FANCA: variants seen among roughly 807,000 people sequenced by gnomAD.
The protein encoded by FANCA is FA complementation group A.
Under a neutral mutation model 194.3 loss-of-function variants are expected in FANCA, and 236 were observed. The observed-to-expected ratio is 1.21, with a 90% CI of 1.09 to 1.35. The LOEUF (loss-of-function observed/expected upper bound fraction) is 1.35, where lower values mean the gene tolerates loss of function less well. Among genes scored for constraint, FANCA ranks in the 40% most tolerant of loss-of-function variants. The pLI is 0.00. For missense variants in FANCA, 2,628 were observed against 1,813.9 expected (o/e 1.45, Z -8.15); for synonymous variants, 1,014 against 715.8 (o/e 1.42, Z -6.65).
intron 11 of FANCA, among the ~76,000 whole-genome samples, chr16:89,793,988 G>A (rs1426661273): frequency 6.6e-6 from 1 of 152,120 alleles, no homozygotes; most frequent in Non-Finnish European, 1.5e-5. Flanking sequence ...CTGACCTCGT[G>A]ACCTGCCCGT....
intron 27 of FANCA, among the ~76,000 whole-genome samples, chr16:89,765,787 C>G (rs186907979): frequency 1.3e-5 from 2 of 152,236 alleles, no homozygotes; most frequent in Admixed American, 6.5e-5. Context: ...CTGCCCTCTC[C>G]TAAGCTCAAA....
At chr16:89,776,820 G>A (rs1207262034) in intron 20 of FANCA, among the ~76,000 whole-genome samples, 1 of 151,912 alleles carries the variant, frequency 6.6e-6, no homozygotes, top group African/African-American at 2.4e-5. Context: ...GACAAACCGA[G>A]ACTCCGACTC....
chr16:89,760,642 C>T (rs2038921802), intron 29 of FANCA, among the ~76,000 whole-genome samples: 1 of 152,218 alleles, frequency 6.6e-6, no homozygotes, highest in Non-Finnish European at 1.5e-5. Context: ...CAGAACAGCA[C>T]ATCTGGCCTC....
intron 2 of FANCA, among the ~76,000 whole-genome samples, chr16:89,815,232 T>C (rs951567480): frequency 6.6e-6 from 1 of 151,998 alleles, no homozygotes; most frequent in Admixed American, 6.6e-5. Flanking sequence ...TGACGGGGTT[T>C]CACCATGTTG....
At position 89,740,009 on chromosome 16, in the gene FANCA, G is replaced by T. The variant is rs763626782; in HGVS notation, c.3919C>A (p.Gln1307Lys). The change falls in exon 39 of 43, where the codon CAG becomes AAG. Residue 1307 changes from glutamine to lysine, a missense_variant. By Grantham distance (53) the Gln-to-Lys change is moderately conservative. Coordinates refer to ENST00000389301, the MANE Select transcript of FANCA (RefSeq NM_000135.4). ...KRKISWLALF[Q>K]LTESDLRLGR... is the part of the protein sequence containing the mutation. The stretch of plus-strand genomic sequence containing the variant: ...TGTTTCTTACCACTCTCTGTCAACT[G>T]AAAGAGTGCCAGCCAGGATATCTTC... 1.9e-6 allele frequency: 3 copies of T among 1,614,200 alleles called. No individual in the cohort carries two copies. Among genetic ancestry groups the T allele is most frequent in the Non-Finnish European group, 2.5e-6 (3 of 1,180,012 alleles).
intron 36 of FANCA, 117 bp from the exon 37 acceptor site, chr16:89,743,055 G>C (rs1687341183): frequency 7.2e-6 from 9 of 1,251,120 alleles, no homozygotes; most frequent in Middle Eastern, 2.8e-4. Context: ...TCAGAGGACA[G>C]AGAAGGGTTT....
chr16:89,809,081 A>AT (rs1324589207), intron 5 of FANCA, among the ~76,000 whole-genome samples: 5 of 151,142 alleles, frequency 3.3e-5, no homozygotes, highest in Admixed American at 2.0e-4. Flanking sequence ...AATTTTTTCT[A>AT]TTTTTTAGTA....
chr16:89,771,568 C>T, intron 23 of FANCA, 110 bp downstream of exon 23: 1 of 1,304,800 alleles, frequency 7.7e-7, no homozygotes, highest in East Asian at 2.3e-5. Context: ...TGATACGACA[C>T]TAACTGAGCA....
At chr16:89,791,739 C>G in intron 13 of FANCA, 188 bp downstream of exon 13, 2 of 969,036 alleles carry the variant, frequency 2.1e-6, no homozygotes, top group African/African-American at 1.6e-5. Flanking sequence ...ACTCTGGCCT[C>G]TCAGAGCAGC....
At chr16:89,744,420 C>A (rs1441328894) in intron 36 of FANCA, among the ~76,000 whole-genome samples, 1 of 152,090 alleles carries the variant, frequency 6.6e-6, no homozygotes. Context: ...TGGATTGCGC[C>A]AGGAGCTTGA....
chr16:89,796,396 C>T (rs1033344343), intron 10 of FANCA, among the ~76,000 whole-genome samples: 2 of 152,274 alleles, frequency 1.3e-5, no homozygotes, highest in South Asian at 2.1e-4. Flanking sequence ...CTCTGTGACA[C>T]GGAACTCCCC....
chr16:89,809,211 C>T (rs969588665), intron 5 of FANCA, among the ~76,000 whole-genome samples: 3 of 151,798 alleles, frequency 2.0e-5, no homozygotes, highest in Non-Finnish European at 4.4e-5. Flanking sequence ...CGGCCCCTAA[C>T]TCGCACTCTT....
At position 89,770,584 on chromosome 16, in the gene FANCA, G is replaced by T; in HGVS notation, c.2202C>A (p.Ser734=). The T allele has an allele frequency of 6.2e-7, 1 of 1,611,526 alleles. No homozygotes were observed. Among genetic ancestry groups the T allele is most frequent in the Non-Finnish European group, 8.5e-7 (1 of 1,178,968 alleles). Reference sequence around the variant, plus strand: ...TTCACCTCTCCGGGGGAGCGACACTGGAGGCAGCCATCAGGTTCTGACAGA... The same window carrying T: ...TTCACCTCTCCGGGGGAGCGACACTTGAGGCAGCCATCAGGTTCTGACAGA... The part of the protein sequence containing the change: ...TSFCQNLMAA[S]SVAPPERQGP... The change falls in exon 24 of 43, where the codon TCC becomes TCA. Residue 734 remains serine (S), a synonymous_variant. Coordinates refer to ENST00000389301, the MANE Select transcript of FANCA (RefSeq NM_000135.4).
chr16:89,802,913 G>A (rs979827902), intron 8 of FANCA, among the ~76,000 whole-genome samples: 7 of 152,156 alleles, frequency 4.6e-5, no homozygotes, highest in East Asian at 1.9e-4. Flanking sequence ...GTGGGGGAAC[G>A]AAGAGAGTTG....
In FANCA at chr16:89,811,842, T is replaced by C. The variant is rs532625499; in HGVS notation, c.284-771A>G. On this transcript the variant is annotated intron_variant, in intron 3 of 42. Transcript: ENST00000389301. ...GCCTCTCAGGTTCAAGCGATTCTCC[T>C]GCCTCAGCCTCCCAAGTAGCTGGGA... Among the ~76,000 whole-genome samples, 482 of 152,244 alleles carry C rather than the reference T, an allele frequency of 3.2e-3. 3 individuals carry two copies. The highest frequency in any genetic ancestry group is 0.01 in the Admixed American group (156 of 15,288).
intron 8 of FANCA, among the ~76,000 whole-genome samples, chr16:89,802,198 G>T (rs17232358): frequency 2.0e-5 from 3 of 151,922 alleles, no homozygotes; most frequent in Admixed American, 1.3e-4. Context: ...CCGCCTCCTG[G>T]GTTCAAGCAA....
chr16:89,770,487 C>G (rs1025987544), intron 24 of FANCA, 77 bp downstream of exon 24: 1 of 1,369,760 alleles, frequency 7.3e-7, no homozygotes, highest in Non-Finnish European at 1.0e-6. Context: ...TCATGAGTCC[C>G]TGGTCTGCAG....
At position 89,807,266 on chromosome 16, in the gene FANCA, AGCCAACAT is replaced by A. The variant is rs531269928; in HGVS notation, c.596+1020_596+1027del. On this transcript the variant is annotated intron_variant, in intron 6 of 42. Transcript: ENST00000389301. ...AAGATCAGGAGTTCGAGACCAGCCT[AGCCAACAT>A]GGTGAAACCCCATCTCTACTAAACA... Among the ~76,000 whole-genome samples the A allele has an allele frequency of 5.1e-4, 75 of 147,104 alleles. 3 individuals carry two copies. In the South Asian group the frequency reaches 0.015, roughly 30 times the overall value.
intron 3 of FANCA, among the ~76,000 whole-genome samples, chr16:89,812,666 A>AAAAAAAAAAAAAAAAAAAAAAAAAAAC (rs1256354674): frequency 1.4e-5 from 2 of 147,780 alleles, no homozygotes; most frequent in African/African-American, 2.6e-5. Context: ...AAAAAAAAAA[A>AAAAAAAAAAAAAAAAAAAAAAAAAAAC]AAAACTGTTA....
Sources: allele counts gnomAD v4.1 joint callset (sites outside exome capture counted in the v4.1 genomes callset), GRCh38; gene constraint gnomAD v4.1.1; transcripts MANE v1.5; gene names NCBI Gene and HGNC (gene_info 2026-07-23, HGNC 2026-07-21).